The following PID1 variants were observed in gnomAD, a reference collection of about 807,000 sequenced individuals.
PID1 encodes phosphotyrosine interaction domain containing 1.
A neutral mutation model predicts 19.1 loss-of-function variants in PID1; 10 were observed. The ratio of observed to expected loss-of-function variants is 0.52; its 90% CI spans 0.32 to 0.89. The LOEUF (loss-of-function observed/expected upper bound fraction) is 0.89. Ranked by LOEUF, PID1 falls within the 40% of genes least tolerant of loss-of-function variation. The pLI, the probability that PID1 is intolerant of heterozygous loss-of-function variation, is 0.03. For missense variants in PID1, 248 were observed against 285.3 expected, an observed-to-expected ratio of 0.87 and a Z score of 0.94; for synonymous variants, 130 against 116.0, an observed-to-expected ratio of 1.12 and a Z score of -0.78.
At chr2:229,183,547 A>C (rs7588090) in intron 1 of PID1, among the ~76,000 whole-genome samples, 135,589 of 152,160 alleles carry the variant, frequency 0.89, 60,557 homozygotes, top group African/African-American at 0.94. Context: ...TTGAAGGCCT[A>C]AATAAAACCA....
intron 1 of PID1, among the ~76,000 whole-genome samples, chr2:229,197,294 GA>G (rs1165109628): frequency 6.6e-6 from 1 of 151,450 alleles, no homozygotes; most frequent in African/African-American, 2.4e-5. Flanking sequence ...ACCTTTGCAA[GA>G]AAAAAATGTA....
At chr2:229,056,154 T>C (rs114597687) in intron 2 of PID1, among the ~76,000 whole-genome samples, 171 of 152,338 alleles carry the variant, frequency 1.1e-3, no homozygotes, top group African/African-American at 4.0e-3. Context: ...ATGTTTTTCA[T>C]AGCTCCTGGA....
At chr2:229,210,250 C>T (rs1006112288) in intron 1 of PID1, among the ~76,000 whole-genome samples, 2 of 151,792 alleles carry the variant, frequency 1.3e-5, no homozygotes, top group Non-Finnish European at 2.9e-5. Context: ...TGGCGGCTCG[C>T]GCCTGTAATC....
At chr2:229,110,806 A>T (rs1399088570) in intron 2 of PID1, among the ~76,000 whole-genome samples, 1 of 152,260 alleles carries the variant, frequency 6.6e-6, no homozygotes, top group Non-Finnish European at 1.5e-5. Flanking sequence ...GTGCCATGAC[A>T]CATCTTCCTC....
intron 1 of PID1, among the ~76,000 whole-genome samples, chr2:229,198,700 A>T (rs1296203190): frequency 6.6e-6 from 1 of 152,042 alleles, no homozygotes; most frequent in Non-Finnish European, 1.5e-5. Flanking sequence ...CCTCTCTCTG[A>T]GAGTTTACAC....
At chr2:229,139,574 G>T (rs1015168436) in intron 2 of PID1, among the ~76,000 whole-genome samples, 1 of 152,096 alleles carries the variant, frequency 6.6e-6, no homozygotes, top group Non-Finnish European at 1.5e-5. Flanking sequence ...GAATATCCCA[G>T]CACTGAGAAA....
At chr2:229,232,707 C>T (rs909045204) in intron 1 of PID1, among the ~76,000 whole-genome samples, 8 of 148,910 alleles carry the variant, frequency 5.4e-5, no homozygotes, top group Non-Finnish European at 7.4e-5. Flanking sequence ...TATATATATA[C>T]ACACATTCCA....
intron 2 of PID1, among the ~76,000 whole-genome samples, chr2:229,046,358 G>C (rs1693878062): frequency 6.7e-6 from 1 of 149,080 alleles, no homozygotes; most frequent in Non-Finnish European, 1.5e-5. Context: ...GTGTGTGTGT[G>C]TGTGTGTGTG....
intron 2 of PID1, among the ~76,000 whole-genome samples, chr2:229,152,344 C>T (rs898065408): frequency 6.6e-6 from 1 of 152,184 alleles, no homozygotes; most frequent in African/African-American, 2.4e-5. Context: ...TTCAGAAGTA[C>T]TTGTGATTTA....
chr2:229,134,231 G>GTTTTTTTTTTTTTTT (rs60513006), intron 2 of PID1, among the ~76,000 whole-genome samples: 19 of 109,204 alleles, frequency 1.7e-4, no homozygotes, highest in African/African-American at 3.6e-4. Context: ...TACTACCTGT[G>GTTTTTTTTTTTTTTT]TTTTTTTTTT....
chr2:229,078,366 C>A (rs993028793), intron 2 of PID1, among the ~76,000 whole-genome samples: 2 of 152,194 alleles, frequency 1.3e-5, no homozygotes, highest in African/African-American at 4.8e-5. Context: ...GACTTCTTCT[C>A]TTCCTATTTG....
chr2:229,182,372 C>G (rs1690964182), intron 1 of PID1, among the ~76,000 whole-genome samples: 1 of 151,914 alleles, frequency 6.6e-6, no homozygotes, highest in Non-Finnish European at 1.5e-5. Context: ...TGCTGAGAAC[C>G]TAAAACTGCT....
At chr2:229,078,649 T>C (rs1192927912) in intron 2 of PID1, among the ~76,000 whole-genome samples, 2 of 152,250 alleles carry the variant, frequency 1.3e-5, no homozygotes, top group Non-Finnish European at 2.9e-5. Context: ...TCTATTGAGA[T>C]AATCATGTGG....
intron 1 of PID1, among the ~76,000 whole-genome samples, chr2:229,253,974 C>A (rs754348428): frequency 2.0e-5 from 3 of 152,168 alleles, no homozygotes; most frequent in African/African-American, 7.2e-5. Context: ...GAGCCACTAC[C>A]AGGGTCTGGG....
At chr2:229,055,395 A>G (rs1440786647) in intron 2 of PID1, among the ~76,000 whole-genome samples, 1 of 152,192 alleles carries the variant, frequency 6.6e-6, no homozygotes, top group Non-Finnish European at 1.5e-5. Context: ...GCATGTTTAA[A>G]AGGCTTTTCC....
At chr2:229,194,434 T>C (rs892939021) in intron 1 of PID1, among the ~76,000 whole-genome samples, 1 of 150,340 alleles carries the variant, frequency 6.7e-6, no homozygotes, top group Non-Finnish European at 1.5e-5. Context: ...TACAAGAACT[T>C]AAAAAAAAAT....
At chr2:229,146,824 G>A (rs1309963480) in intron 2 of PID1, among the ~76,000 whole-genome samples, 1 of 152,150 alleles carries the variant, frequency 6.6e-6, no homozygotes, top group Non-Finnish European at 1.5e-5. Context: ...AGAAGGCAAT[G>A]TGACCACCAT....
At chr2:229,204,738 C>T (rs1016010450) in intron 1 of PID1, among the ~76,000 whole-genome samples, 1 of 152,042 alleles carries the variant, frequency 6.6e-6, no homozygotes, top group African/African-American at 2.4e-5. Context: ...TTTGTAACCT[C>T]AGAACAGTGA....
intron 1 of PID1, among the ~76,000 whole-genome samples, chr2:229,254,010 A>G (rs1404169897): frequency 6.6e-6 from 1 of 152,202 alleles, no homozygotes; most frequent in Non-Finnish European, 1.5e-5. Context: ...CCTTCTTCGG[A>G]AATGGTTGCC....
Sources: gnomAD v4.1 joint callset for allele counts (sites outside exome capture counted in the v4.1 genomes callset) on GRCh38, gnomAD v4.1.1 for gene constraint, MANE v1.5 for transcripts, NCBI Gene and HGNC (gene_info 2026-07-23, HGNC 2026-07-21) for gene names.